The following FHIT variants were observed in gnomAD, a reference collection of about 807,000 sequenced individuals.
The protein encoded by FHIT is fragile histidine triad diadenosine triphosphatase, also known as bis(5'-adenosyl)-triphosphatase.
FHIT carries 19 observed loss-of-function variants against 17.9 expected under a neutral mutation model. That is an observed-to-expected ratio of 1.06 (90% CI 0.74 to 1.56). FHIT has a LOEUF of 1.56. Among genes scored for constraint, FHIT ranks in the 40% most tolerant of loss-of-function variants. The probability of loss-of-function intolerance (pLI) is 0.00; values close to 1 mark genes in which losing one functional copy is unlikely to be tolerated. For synonymous variants in FHIT, 81 were observed against 69.7 expected, an observed-to-expected ratio of 1.16 and a Z score of -0.81; for missense variants, 248 against 189.2, an observed-to-expected ratio of 1.31 and a Z score of -1.82.
intron 8 of FHIT, among the ~76,000 whole-genome samples, chr3:59,852,452 A>G (rs995419792): frequency 6.6e-6 from 1 of 152,140 alleles, no homozygotes; most frequent in Non-Finnish European, 1.5e-5. Flanking sequence ...CCTGCCCCAC[A>G]TATGTTGCCT....
At chr3:60,649,094 T>C (rs1471582243) in intron 4 of FHIT, among the ~76,000 whole-genome samples, 1 of 152,176 alleles carries the variant, frequency 6.6e-6, no homozygotes, top group Non-Finnish European at 1.5e-5. Context: ...TGCAAAGATA[T>C]ACATACAAAA....
chr3:60,619,548 G>C (rs1437648616), intron 4 of FHIT, among the ~76,000 whole-genome samples: 2 of 134,906 alleles, frequency 1.5e-5, no homozygotes, highest in African/African-American at 5.7e-5. Context: ...AGAAGAGAAA[G>C]CCCACATAGT....
chr3:60,187,719 A>G (rs1702217768), intron 5 of FHIT, among the ~76,000 whole-genome samples: 1 of 152,186 alleles, frequency 6.6e-6, no homozygotes, highest in Non-Finnish European at 1.5e-5. Flanking sequence ...ATTAAGAATA[A>G]TGCACTCTAG....
At chr3:61,166,274 A>G (rs1397773889) in intron 2 of FHIT, among the ~76,000 whole-genome samples, 1 of 152,246 alleles carries the variant, frequency 6.6e-6, no homozygotes, top group Admixed American at 6.5e-5. Flanking sequence ...GACTTGCCCA[A>G]AGTCACATTG....
intron 8 of FHIT, among the ~76,000 whole-genome samples, chr3:59,918,018 A>T (rs1330284239): frequency 5.3e-5 from 8 of 152,212 alleles, no homozygotes; most frequent in Admixed American, 1.3e-4. Context: ...AGCCTTCTGC[A>T]CACTGATTTC....
chr3:61,096,322 A>C lies in FHIT; in HGVS notation c.-163-54223T>G, dbSNP rs759026166. On this transcript the variant is annotated intron_variant, in intron 2 of 9. Coordinates refer to ENST00000492590, the MANE Select transcript of FHIT (RefSeq NM_002012.4). ...CAAAGTTCCTGCCACAATTTCACCA[A>C]CAAAAGTTATTCCTAAATTGTACCC... 9.9e-4 allele frequency among the ~76,000 whole-genome samples: 151 copies of C among 152,296 alleles called. 1 individual carries two copies. The highest frequency in any genetic ancestry group is 3.2e-4 in the Non-Finnish European group (22 of 68,028).
chr3:61,041,148 A>G (rs2033491465), intron 3 of FHIT, among the ~76,000 whole-genome samples: 1 of 152,178 alleles, frequency 6.6e-6, no homozygotes. Flanking sequence ...TAGGAGGCTG[A>G]GGCAGGCAGA....
At chr3:60,929,590 C>G (rs1707839610) in intron 3 of FHIT, among the ~76,000 whole-genome samples, 1 of 152,110 alleles carries the variant, frequency 6.6e-6, no homozygotes, top group African/African-American at 2.4e-5. Context: ...AGCGCCAAAT[C>G]ATGAGTGAAC....
chr3:60,364,365 G>T (rs1213162659), intron 5 of FHIT, among the ~76,000 whole-genome samples: 1 of 152,150 alleles, frequency 6.6e-6, no homozygotes, highest in Admixed American at 6.5e-5. Flanking sequence ...CCCCCTCCTT[G>T]CCATGGGCAA....
At chr3:60,458,584 GTAATAA>G (rs143805080) in intron 5 of FHIT, among the ~76,000 whole-genome samples, 28,111 of 150,690 alleles carry the variant, frequency 0.19, 2,773 homozygotes, top group Admixed American at 0.28. Flanking sequence ...AACTTAAAGT[GTAATAA>G]TAATAATAAT....
At chr3:60,501,915 G>T (rs2034541415) in intron 5 of FHIT, among the ~76,000 whole-genome samples, 2 of 152,198 alleles carry the variant, frequency 1.3e-5, no homozygotes, top group African/African-American at 4.8e-5. Context: ...CTAAAATGTG[G>T]CATCTTTGCC....
chr3:60,131,181 A>AT (rs1309254544), intron 5 of FHIT, among the ~76,000 whole-genome samples: 1 of 146 alleles, frequency 6.8e-3, no homozygotes. Context: ...ATTCCCTGAT[A>AT]TGAATGGTAT....
chr3:60,157,085 TATAA>T (rs1347660860), intron 5 of FHIT, among the ~76,000 whole-genome samples: 1 of 152,180 alleles, frequency 6.6e-6, no homozygotes, highest in East Asian at 1.9e-4. Flanking sequence ...TAATCTGATT[TATAA>T]ATATTTTTTA....
chr3:60,087,374 T>C (rs939867660), intron 5 of FHIT, among the ~76,000 whole-genome samples: 7 of 152,202 alleles, frequency 4.6e-5, no homozygotes, highest in African/African-American at 7.2e-5. Context: ...CTAATCTCTT[T>C]AGCAATTTCA....
intron 8 of FHIT, among the ~76,000 whole-genome samples, chr3:59,764,647 G>A (rs1701698796): frequency 6.6e-6 from 1 of 152,094 alleles, no homozygotes; most frequent in Admixed American, 6.5e-5. Flanking sequence ...CCTCTTTAAT[G>A]AAGACATAAA....
chr3:59,774,691 C>A (rs1220654896), intron 8 of FHIT, among the ~76,000 whole-genome samples: 3 of 152,086 alleles, frequency 2.0e-5, no homozygotes, highest in Admixed American at 1.3e-4. Context: ...AAATTAAAGA[C>A]CTAGGAGAGT....
intron 7 of FHIT, among the ~76,000 whole-genome samples, chr3:59,979,784 A>C (rs1376090715): frequency 6.6e-6 from 1 of 152,138 alleles, no homozygotes; most frequent in Admixed American, 6.6e-5. Context: ...ACAAGAGTAC[A>C]TGTTTTCGAA....
chr3:61,073,626 G>C (rs1316063216), intron 2 of FHIT, among the ~76,000 whole-genome samples: 1 of 152,168 alleles, frequency 6.6e-6, no homozygotes, highest in East Asian at 1.9e-4. Context: ...CAAAGAATTC[G>C]TGAGTATTCA....
chr3:61,023,349 C>T (rs1183519763), intron 3 of FHIT, among the ~76,000 whole-genome samples: 2 of 151,852 alleles, frequency 1.3e-5, no homozygotes, highest in Non-Finnish European at 2.9e-5. Flanking sequence ...AGAGAGGACA[C>T]AAAAAAATGG....
Sources: allele counts gnomAD v4.1 joint callset (sites outside exome capture counted in the v4.1 genomes callset), GRCh38; gene constraint gnomAD v4.1.1; transcripts MANE v1.5; gene names NCBI Gene and HGNC (gene_info 2026-07-23, HGNC 2026-07-21).